The following ARHGAP42 variants were observed in gnomAD, a reference collection of about 807,000 sequenced individuals.
The protein encoded by ARHGAP42 is Rho GTPase activating protein 42, also known as rho GTPase-activating protein 42.
Under a neutral mutation model 125.0 loss-of-function variants are expected in ARHGAP42, and 63 were observed. The ratio of observed to expected loss-of-function variants is 0.50; its 90% CI spans 0.41 to 0.62. The LOEUF is 0.62. Ranked by LOEUF, ARHGAP42 falls within the 20% of genes least tolerant of loss-of-function variation. The probability of loss-of-function intolerance (pLI) is 0.00; values close to 1 mark genes in which losing one functional copy is unlikely to be tolerated. For missense variants in ARHGAP42, 766 were observed against 1,024.2 expected (o/e 0.75, Z 3.44); for synonymous variants, 339 against 351.0 (o/e 0.97, Z 0.38).
intron 6 of ARHGAP42, among the ~76,000 whole-genome samples, chr11:100,922,670 G>C (rs942141308): frequency 2.0e-5 from 3 of 152,194 alleles, no homozygotes; most frequent in African/African-American, 7.2e-5. Flanking sequence ...GGAAAGGAAG[G>C]CAACATTATA....
chr11:100,770,538 C>A, intron 2 of ARHGAP42, 100 bp downstream of exon 2: 2 of 923,538 alleles, frequency 2.2e-6, no homozygotes, highest in South Asian at 2.1e-5. Flanking sequence ...TATTTTCTGA[C>A]TTTGACAATA....
At chr11:100,903,500 C>T (rs1866619918) in intron 4 of ARHGAP42, among the ~76,000 whole-genome samples, 1 of 151,224 alleles carries the variant, frequency 6.6e-6, no homozygotes, top group South Asian at 2.1e-4. Context: ...TTCCAAATAT[C>T]CTGTCTGGTA....
chr11:100,687,569 G>A lies in ARHGAP42; in HGVS notation c.-110G>A. 1.1e-6 allele frequency: 1 copy of A among 874,922 alleles called. No individual in the cohort carries two copies. The highest frequency in any genetic ancestry group is 1.5e-6 in the Non-Finnish European group (1 of 687,030). The allele number at this position is 874,922 out of a possible 1,614,324, so 54.2% of individuals were successfully genotyped here. On this transcript the variant is annotated 5_prime_UTR_variant, in exon 1 of 24. Coordinates refer to ENST00000298815, the MANE Select transcript of ARHGAP42 (RefSeq NM_152432.4). Reference sequence around the variant, plus strand: ...GCGCAATCAGTCCCCTCGCGTCCCGGCGCCTTCCCCGCGATCGCGCGACCC... The same window carrying A: ...GCGCAATCAGTCCCCTCGCGTCCCGACGCCTTCCCCGCGATCGCGCGACCC...
intron 1 of ARHGAP42, among the ~76,000 whole-genome samples, chr11:100,720,771 T>C (rs1861745303): frequency 1.3e-5 from 2 of 152,182 alleles, no homozygotes; most frequent in South Asian, 4.1e-4. Flanking sequence ...ATATACATGG[T>C]CCTTATTAGG....
chr11:100,847,906 C>T (rs57424381), intron 3 of ARHGAP42, among the ~76,000 whole-genome samples: 27,212 of 152,142 alleles, frequency 0.18, 3,301 homozygotes, highest in East Asian at 0.43. Context: ...TTCACTTCAC[C>T]TGATATTTGA....
chr11:100,866,978 G>C (rs1412069919), intron 4 of ARHGAP42, among the ~76,000 whole-genome samples: 1 of 152,138 alleles, frequency 6.6e-6, no homozygotes, highest in Non-Finnish European at 1.5e-5. Context: ...CAGGTAAATT[G>C]GCAATGAGTA....
At chr11:100,719,763 G>T (rs1235670043) in intron 1 of ARHGAP42, among the ~76,000 whole-genome samples, 1 of 152,126 alleles carries the variant, frequency 6.6e-6, no homozygotes, top group African/African-American at 2.4e-5. Flanking sequence ...CTGTCTTTCA[G>T]ATATTGCACA....
intron 3 of ARHGAP42, among the ~76,000 whole-genome samples, chr11:100,849,071 T>A (rs1282803397): frequency 6.6e-6 from 1 of 152,210 alleles, no homozygotes; most frequent in Non-Finnish European, 1.5e-5. Flanking sequence ...AGCCATGGCC[T>A]AAGGGTAAGA....
At chr11:100,885,347 G>A (rs1232580959) in intron 4 of ARHGAP42, among the ~76,000 whole-genome samples, 1 of 152,122 alleles carries the variant, frequency 6.6e-6, no homozygotes, top group East Asian at 1.9e-4. Context: ...ATTTTCTTCT[G>A]TTGAATCTTA....
At chr11:100,749,480 G>T (rs551741115) in intron 1 of ARHGAP42, among the ~76,000 whole-genome samples, 2 of 148,446 alleles carry the variant, frequency 1.3e-5, no homozygotes, top group African/African-American at 5.0e-5. Context: ...GGCATGTCTC[G>T]CCTGGCCTGC....
chr11:100,795,006 C>A (rs542058600), intron 2 of ARHGAP42, 99 bp from the exon 3 acceptor site: 407 of 898,420 alleles, frequency 4.5e-4, no homozygotes, highest in Non-Finnish European at 5.7e-4. Context: ...ATACTATATA[C>A]AAATTAATAA....
At chr11:100,788,831 T>C (rs1183385803) in intron 2 of ARHGAP42, among the ~76,000 whole-genome samples, 2 of 152,322 alleles carry the variant, frequency 1.3e-5, no homozygotes, top group Middle Eastern at 3.4e-3. Flanking sequence ...ATTAAATTGT[T>C]CTTAAAATTT....
At chr11:100,708,897 A>C (rs1034706649) in intron 1 of ARHGAP42, among the ~76,000 whole-genome samples, 4 of 152,226 alleles carry the variant, frequency 2.6e-5, no homozygotes, top group African/African-American at 7.2e-5. Flanking sequence ...GTGAGAGATT[A>C]ACAACAATAA....
chr11:100,702,862 G>A (rs910254723), intron 1 of ARHGAP42, among the ~76,000 whole-genome samples: 1 of 151,954 alleles, frequency 6.6e-6, no homozygotes, highest in African/African-American at 2.4e-5. Flanking sequence ...AGTAAAGACG[G>A]GGTTGGCCAG....
intron 1 of ARHGAP42, among the ~76,000 whole-genome samples, chr11:100,722,284 T>C (rs1861773054): frequency 6.6e-6 from 1 of 152,210 alleles, no homozygotes; most frequent in African/African-American, 2.4e-5. Flanking sequence ...CTTTTTTATA[T>C]CTGGGTTGTT....
At chr11:100,755,114 G>A (rs894301046) in intron 1 of ARHGAP42, among the ~76,000 whole-genome samples, 8 of 152,312 alleles carry the variant, frequency 5.3e-5, no homozygotes, top group African/African-American at 1.9e-4. Flanking sequence ...GGTGTGGGTG[G>A]CAGATTAGTG....
At chr11:100,927,987 T>C (rs1867473399) in intron 6 of ARHGAP42, among the ~76,000 whole-genome samples, 1 of 152,210 alleles carries the variant, frequency 6.6e-6, no homozygotes, top group South Asian at 2.1e-4. Context: ...TTATATATGC[T>C]TTCGTTTTCA....
intron 1 of ARHGAP42, among the ~76,000 whole-genome samples, chr11:100,705,031 AAAGAG>A (rs1333830309): frequency 3.8e-4 from 54 of 142,512 alleles, no homozygotes; most frequent in South Asian, 6.7e-4. Context: ...AAAAAAAAAA[AAAGAG>A]AGAAGAAAAG....
In ARHGAP42 at chr11:100,903,709, A is replaced by AATATATATATAT. The variant is rs139506492; in HGVS notation, c.385-9708_385-9697dup. 6.4e-3 allele frequency among the ~76,000 whole-genome samples: 404 copies of AATATATATATAT among 63,044 alleles called. 5 individuals carry two copies. Among genetic ancestry groups the AATATATATATAT allele is most frequent in the Non-Finnish European group, 8.4e-3 (280 of 33,482 alleles). 41.4% of individuals were successfully genotyped at this position (63,044 alleles called of 152,430 possible). The stretch of plus-strand genomic sequence containing the variant: ...ATGTATATATATACATGTCCCTCAA[A>AATATATATATAT]ATATATATATATATATATATATATA... On this transcript the variant is annotated intron_variant, in intron 4 of 23. Coordinates refer to ENST00000298815, the MANE Select transcript of ARHGAP42 (RefSeq NM_152432.4).
Sources: allele counts gnomAD v4.1 joint callset (sites outside exome capture counted in the v4.1 genomes callset), GRCh38; gene constraint gnomAD v4.1.1; transcripts MANE v1.5; gene names NCBI Gene and HGNC (gene_info 2026-07-23, HGNC 2026-07-21).